Variants in ADGRF3 observed in about 807,000 individuals in gnomAD.
The protein encoded by ADGRF3 is adhesion G protein-coupled receptor F3.
Under a neutral mutation model 93.2 loss-of-function variants are expected in ADGRF3, and 85 were observed. That is an observed-to-expected ratio of 0.91 (90% CI 0.77 to 1.09). The LOEUF is 1.09. ADGRF3 is among the 50% of genes least tolerant of loss of function. ADGRF3 has a pLI of 0.00. For synonymous variants in ADGRF3, 534 were observed against 532.5 expected (o/e 1.00, Z -0.04); for missense variants, 1,125 against 1,246.2 (o/e 0.90, Z 1.46).
rs74987785 is a variant in ADGRF3, at chr2:26,313,859, C to T, written c.973G>A (p.Val325Ile). ...GTGTCAGCCATCGGGCAGCGCTGAA[C>T]AGCCAGCACAAAGCACTGAGAGCCT... ...ESGSQCFVLA[V>I]QRCPMADTTY... Residue 325 changes from valine (V) to isoleucine (I), a missense_variant, in exon 7 of 14, where the codon GTT becomes ATT. Val to Ile is a conservative substitution (Grantham distance 29, BLOSUM62 3). Coordinates refer to ENST00000651242, the MANE Select transcript of ADGRF3 (RefSeq NM_001321971.2). 0.023 allele frequency: 37,726 copies of T among 1,613,984 alleles called. 519 individuals are homozygous for T. Among genetic ancestry groups the T allele is most frequent in the East Asian group, 0.045 (1,998 of 44,876 alleles).
intron 1 of ADGRF3, among the ~76,000 whole-genome samples, chr2:26,339,203 T>C (rs1676233682): frequency 7.1e-6 from 1 of 141,370 alleles, no homozygotes; most frequent in Non-Finnish European, 1.5e-5. Context: ...AACTTCAAAA[T>C]GCATTTTAAG....
Position 26,308,979 on chromosome 2 carries a change from T to G in ADGRF3, c.*107A>C. On this transcript the variant is annotated 3_prime_UTR_variant, in exon 14 of 14. Transcript: ENST00000651242. The stretch of plus-strand genomic sequence containing the variant: ...ATATAAGCCTGCCTTTCTCAAGGGC[T>G]GAGCTCCGGGAGGCGGGAAGAGTTC... The G allele has an allele frequency of 4.3e-5, 64 of 1,479,170 alleles. No individual in the cohort carries two copies. The highest frequency in any genetic ancestry group is 5.8e-5 in the Non-Finnish European group (62 of 1,060,134). The allele number at this position is 1,479,170 out of a possible 1,614,324, so 91.6% of individuals were successfully genotyped here. A position where few individuals can be genotyped will look rare whatever the true frequency, so the allele number is the denominator to read the frequency against.
rs907465381 is a variant in ADGRF3 at position 26,346,462 on chromosome 2, G to A, written c.-228C>T. The A allele has an allele frequency of 2.6e-6, 2 of 756,500 alleles. No individual in the cohort carries two copies. The highest frequency in any genetic ancestry group is 4.0e-6 in the Non-Finnish European group (2 of 501,018). 46.9% of individuals were successfully genotyped at this position (756,500 alleles called of 1,614,324 possible). ...GGATTGGGGGTCGGGGAGCGTGGGA[G>A]CATCCTAAGCCCGCCGCCCGTAGTC... is the stretch of plus-strand genomic sequence containing the variant. On this transcript the variant is annotated 5_prime_UTR_variant, in exon 1 of 14. Transcript: ENST00000651242.
chr2:26,319,019 G>A, intron 1 of ADGRF3: 1 of 1,551,628 alleles, frequency 6.4e-7, no homozygotes, highest in South Asian at 1.2e-5. Flanking sequence ...GTTGTGGCCA[G>A]GAGCAGCAGT....
In ADGRF3 at chr2:26,345,991, C is replaced by T. The variant is rs114778983; in HGVS notation, c.114+130G>A. On this transcript the variant is annotated intron_variant, in intron 1 of 13. Transcript: ENST00000651242. ...GACAACAGCAGTGTCGGGGGACGGGCCGCTCGAGCGGGCTAGCAACCCCCC... is the reference window on the plus strand; with the variant it reads ...GACAACAGCAGTGTCGGGGGACGGGTCGCTCGAGCGGGCTAGCAACCCCCC... 2,228 of 910,446 alleles carry T rather than the reference C, an allele frequency of 2.4e-3. 40 individuals carry two copies. The African/African-American group carries it at 0.033, about 13-fold the overall frequency. 56.4% of individuals were successfully genotyped at this position (910,446 alleles called of 1,614,324 possible).
At chr2:26,312,800 G>A (rs2147870239) in intron 9 of ADGRF3, 143 bp downstream of exon 9, 1 of 718,384 alleles carries the variant, frequency 1.4e-6, no homozygotes, top group East Asian at 2.7e-5. Flanking sequence ...AGGAGAAATG[G>A]ATCAGGAGCA....
chr2:26,314,874 G>T (rs989010021), intron 5 of ADGRF3: 2 of 489,924 alleles, frequency 4.1e-6, no homozygotes, highest in Admixed American at 3.7e-5. Context: ...CCCTAGAGCA[G>T]ATGCCCTTCC....
At position 26,311,054 on chromosome 2, in the gene ADGRF3, G is replaced by T. The variant is rs748004220; in HGVS notation, c.2470C>A (p.Leu824Met). The T allele has an allele frequency of 8.7e-6, 14 of 1,609,300 alleles. No homozygotes were observed. The African/African-American group carries it at 1.3e-4, about 15-fold the overall frequency. Residue 824 changes from leucine to methionine, a missense_variant, in exon 10 of 14, where the codon CTG becomes ATG. Physicochemically the swap from Leu to Met is conservative, Grantham distance 15. Coordinates refer to ENST00000651242, the MANE Select transcript of ADGRF3 (RefSeq NM_001321971.2). ...ACACCTGCCAACCCCAGTGGGCACA[G>T]GTAGCCCAGGAGCACCATGAGGGGG... ...VLPLMVLLGY[L>M]CPLGLAGVTL...
At position 26,313,550 on chromosome 2, in the gene ADGRF3, C is replaced by T. The variant is rs1299492220; in HGVS notation, c.1096G>A (p.Asp366Asn). ...ACATTCCAGGTGAGCACCGAGGCGT[C>T]CTCAGGGCAGGTGATGTCTCCATCT... ...IQDGDITCPE[D>N]ASVLTWNVTK... The change falls in exon 8 of 14, where the codon GAC becomes AAC. Residue 366 changes from aspartate to asparagine, a missense_variant. By Grantham distance (23) the Asp-to-Asn change is conservative (BLOSUM62 1). Transcript: ENST00000651242. 3.1e-6 allele frequency: 5 copies of T among 1,608,326 alleles called. No individual in the cohort carries two copies. The highest frequency in any genetic ancestry group is 2.2e-5 in the South Asian group (2 of 90,506).
chr2:26,317,143 C>A, intron 2 of ADGRF3, 88 bp from the exon 3 acceptor site: 1 of 1,396,142 alleles, frequency 7.2e-7, no homozygotes, highest in South Asian at 1.3e-5. Context: ...GCTGGCCAGT[C>A]CCAGGAATGC....
chr2:26,316,572 A>C (rs1189576908), intron 3 of ADGRF3, 124 bp from the exon 4 acceptor site: 2 of 986,514 alleles, frequency 2.0e-6, no homozygotes, highest in Admixed American at 5.5e-5. Flanking sequence ...CCCAAGCTAC[A>C]GGTGCCTCAG....
intron 1 of ADGRF3, among the ~76,000 whole-genome samples, chr2:26,340,895 A>T (rs1676354732): frequency 6.6e-6 from 1 of 152,220 alleles, no homozygotes; most frequent in Non-Finnish European, 1.5e-5. Flanking sequence ...TGGTTATAAC[A>T]AAGAAACAAT....
At chr2:26,314,658 T>C (rs1235191846) in intron 5 of ADGRF3, 35 bp from the exon 6 acceptor site, 3 of 1,566,748 alleles carry the variant, frequency 1.9e-6, no homozygotes, top group Non-Finnish European at 1.8e-6. Context: ...ATGTGGCTCC[T>C]CTGGGCCCCG....
intron 1 of ADGRF3, among the ~76,000 whole-genome samples, chr2:26,341,336 C>T (rs956479903): frequency 3.3e-5 from 5 of 152,094 alleles, no homozygotes; most frequent in African/African-American, 1.2e-4. Flanking sequence ...CAAGATCGCG[C>T]CACTGCACTC....
chr2:26,345,835 A>C, intron 1 of ADGRF3: 1 of 425,436 alleles, frequency 2.4e-6, no homozygotes, highest in Non-Finnish European at 4.3e-6. Flanking sequence ...ACCGGGAGCA[A>C]AGCCCGCTGG....
chr2:26,312,114 G>C (rs769076297), intron 9 of ADGRF3, 40 bp from the exon 10 acceptor site: 1 of 1,559,372 alleles, frequency 6.4e-7, no homozygotes, highest in Non-Finnish European at 8.6e-7. Context: ...GTCTGCTGGC[G>C]CCCACAGGAC....
At chr2:26,310,311 C>T (rs1673957905) in intron 10 of ADGRF3, 74 bp from the exon 11 acceptor site, 1 of 1,520,324 alleles carries the variant, frequency 6.6e-7, no homozygotes, top group African/African-American at 1.4e-5. Flanking sequence ...TCCTTCTGTC[C>T]TGTGTAATTC....
chr2:26,343,387 A>T (rs193051552), intron 1 of ADGRF3, among the ~76,000 whole-genome samples: 16 of 152,312 alleles, frequency 1.1e-4, no homozygotes, highest in Admixed American at 9.2e-4. Flanking sequence ...ATAGGATCGT[A>T]GTACCTAATA....
chr2:26,311,722 T>C lies in ADGRF3; in HGVS notation c.1802A>G (p.Asn601Ser), dbSNP rs1362623904. Reference sequence around the variant, plus strand: ...GGAATCCCCCAGCCCTTGTCCATAGTTTGAGGGCAGAAGGTGGTCCAGTTT... The same window carrying C: ...GGAATCCCCCAGCCCTTGTCCATAGCTTGAGGGCAGAAGGTGGTCCAGTTT... ...LRKLDHLLPSNYGQGLGDSLY... is the reference protein window; with the variant it reads ...LRKLDHLLPSSYGQGLGDSLY... Residue 601 changes from asparagine to serine, a missense_variant, in exon 10 of 14, where the codon AAC becomes AGC. Asn to Ser is a conservative substitution (Grantham distance 46). Coordinates refer to ENST00000651242, the MANE Select transcript of ADGRF3 (RefSeq NM_001321971.2). 1 of 1,613,316 alleles carries C rather than the reference T, an allele frequency of 6.2e-7. No individual in the cohort carries two copies. Among genetic ancestry groups the C allele is most frequent in the Non-Finnish European group, 8.5e-7 (1 of 1,179,664 alleles).
Sources: gnomAD v4.1 joint callset for allele counts (sites outside exome capture counted in the v4.1 genomes callset) on GRCh38, gnomAD v4.1.1 for gene constraint, MANE v1.5 for transcripts, NCBI Gene and HGNC (gene_info 2026-07-23, HGNC 2026-07-21) for gene names.